Variants in CEP128 observed in about 807,000 individuals in gnomAD.
CEP128 encodes the protein centrosomal protein 128kDa.
A neutral mutation model predicts 156.7 loss-of-function variants in CEP128; 132 were observed. The observed-to-expected ratio is 0.84, with a 90% CI of 0.73 to 0.97. The LOEUF (loss-of-function observed/expected upper bound fraction) is 0.97, where lower values mean the gene tolerates loss of function less well. CEP128 is among the 50% of genes least tolerant of loss of function. The pLI, the probability that CEP128 is intolerant of heterozygous loss-of-function variation, is 0.00. For missense variants in CEP128, 1,252 were observed against 1,281.9 expected (o/e 0.98, Z 0.36); for synonymous variants, 469 against 448.9 (o/e 1.04, Z -0.57).
chr14:80,718,533 C>T (rs535580592), intron 19 of CEP128, among the ~76,000 whole-genome samples: 4 of 152,206 alleles, frequency 2.6e-5, no homozygotes, highest in South Asian at 2.1e-4. Flanking sequence ...TTTCAGAAAC[C>T]GAAAGGACAG....
intron 13 of CEP128, among the ~76,000 whole-genome samples, chr14:80,828,985 T>C (rs1819638161): frequency 6.6e-6 from 1 of 152,170 alleles, no homozygotes; most frequent in African/African-American, 2.4e-5. Context: ...TCAAGAAAAT[T>C]CTCAATTGTT....
chr14:80,869,522 C>G (rs1041670017), intron 8 of CEP128, among the ~76,000 whole-genome samples: 5 of 151,920 alleles, frequency 3.3e-5, no homozygotes, highest in African/African-American at 1.2e-4. Context: ...AATAACCTAA[C>G]TATACCTCAA....
At chr14:80,555,929 T>A (rs533791498) in intron 21 of CEP128, among the ~76,000 whole-genome samples, 78 of 152,286 alleles carry the variant, frequency 5.1e-4, no homozygotes, top group Non-Finnish European at 7.8e-4. Context: ...ATCATTTAAT[T>A]CATTTAAATG....
At chr14:80,721,928 A>G (rs1897832049) in intron 19 of CEP128, among the ~76,000 whole-genome samples, 1 of 152,202 alleles carries the variant, frequency 6.6e-6, no homozygotes, top group Non-Finnish European at 1.5e-5. Flanking sequence ...AATTAAATTA[A>G]ATGATTATGG....
chr14:80,499,543 G>C (rs1394218833), intron 24 of CEP128, among the ~76,000 whole-genome samples: 1 of 151,778 alleles, frequency 6.6e-6, no homozygotes, highest in Non-Finnish European at 1.5e-5. Flanking sequence ...CTTCCTTTTG[G>C]GCTTATTTAT....
chr14:80,526,848 A>T (rs1446526353), intron 23 of CEP128, 21 bp downstream of exon 23: 1 of 1,386,530 alleles, frequency 7.2e-7, no homozygotes, highest in African/African-American at 1.4e-5. Flanking sequence ...AAAGACTAAA[A>T]AAGTATATAA....
chr14:80,857,755 AC>A (rs1460455587), intron 9 of CEP128, among the ~76,000 whole-genome samples: 15 of 147,602 alleles, frequency 1.0e-4, no homozygotes, highest in Admixed American at 4.8e-4. Flanking sequence ...AACAACAACA[AC>A]AACAACAACA....
chr14:80,752,705 G>C (rs901310314), intron 18 of CEP128, among the ~76,000 whole-genome samples: 2 of 152,166 alleles, frequency 1.3e-5, no homozygotes, highest in African/African-American at 4.8e-5. Flanking sequence ...ACACAACCAA[G>C]GGAGACAAAT....
chr14:80,796,662 A>G (rs944466646), intron 13 of CEP128, among the ~76,000 whole-genome samples: 1 of 152,112 alleles, frequency 6.6e-6, no homozygotes, highest in Non-Finnish European at 1.5e-5. Context: ...ATAACTCTAT[A>G]AAGTTCCAGT....
intron 19 of CEP128, among the ~76,000 whole-genome samples, chr14:80,727,382 G>A (rs752237643): frequency 6.6e-6 from 1 of 152,150 alleles, no homozygotes; most frequent in East Asian, 1.9e-4. Flanking sequence ...CCAGAAGTCA[G>A]AGGGAGTTAC....
rs144550032 is a variant in CEP128 at position 80,607,649 on chromosome 14, C to T, written c.2807-27226G>A. Among the ~76,000 whole-genome samples, 901 of 152,142 alleles carry T rather than the reference C, an allele frequency of 5.9e-3. 13 individuals are homozygous for T. Among genetic ancestry groups the T allele is most frequent in the South Asian group, 0.034 (163 of 4,806 alleles). ...AGTTCCAAAAAGCTTTCAGGAACTT[C>T]AGAGTAAGAACACTTAGGTCTAGTA... On this transcript the variant is annotated intron_variant, in intron 19 of 24. Coordinates refer to ENST00000555265, the MANE Select transcript of CEP128 (RefSeq NM_152446.5).
chr14:80,768,264 T>A (rs889601456), intron 16 of CEP128, among the ~76,000 whole-genome samples: 1 of 152,182 alleles, frequency 6.6e-6, no homozygotes, highest in Non-Finnish European at 1.5e-5. Flanking sequence ...CTATTGTAAC[T>A]ATCAAGACAA....
chr14:80,944,822 CAAAAA>C (rs55662141), upstream of CEP128, among the ~76,000 whole-genome samples: 83 of 34,640 alleles, frequency 2.4e-3, no homozygotes, highest in African/African-American at 4.1e-3. Flanking sequence ...GAGTCTGTCT[CAAAAA>C]AAAAAAAAAA....
chr14:80,840,533 G>C, intron 10 of CEP128, 149 bp downstream of exon 10: 1 of 514,896 alleles, frequency 1.9e-6, no homozygotes, highest in South Asian at 3.1e-5. Flanking sequence ...CTAGCAAGTA[G>C]AAGAGCCGTT....
At chr14:80,882,950 A>G (rs1159832139) in intron 8 of CEP128, among the ~76,000 whole-genome samples, 1 of 152,162 alleles carries the variant, frequency 6.6e-6, no homozygotes, top group Non-Finnish European at 1.5e-5. Flanking sequence ...AATGGGTATA[A>G]AAAAATACAG....
At chr14:80,886,522 C>CTT (rs577434796) in intron 8 of CEP128, among the ~76,000 whole-genome samples, 101 of 152,236 alleles carry the variant, frequency 6.6e-4, no homozygotes, top group African/African-American at 2.4e-3. Flanking sequence ...TCATATCCAG[C>CTT]CAAACTAAGC....
chr14:80,540,809 C>A (rs1391864964), intron 21 of CEP128, among the ~76,000 whole-genome samples: 2 of 152,082 alleles, frequency 1.3e-5, no homozygotes, highest in African/African-American at 4.8e-5. Context: ...AGACCCACCT[C>A]AGGGTGTCCT....
intron 9 of CEP128, among the ~76,000 whole-genome samples, chr14:80,847,782 T>G (rs1046311799): frequency 1.3e-5 from 2 of 152,206 alleles, no homozygotes; most frequent in African/African-American, 4.8e-5. Context: ...CAAAGATAGT[T>G]AACATCTCTA....
chr14:80,599,086 T>C (rs535595666), intron 19 of CEP128, among the ~76,000 whole-genome samples: 2 of 152,298 alleles, frequency 1.3e-5, no homozygotes, highest in Admixed American at 6.5e-5. Context: ...TCTTACTTCA[T>C]GTGAATCTAA....
Sources: allele counts gnomAD v4.1 joint callset (sites outside exome capture counted in the v4.1 genomes callset), GRCh38; gene constraint gnomAD v4.1.1; transcripts MANE v1.5; gene names NCBI Gene and HGNC (gene_info 2026-07-23, HGNC 2026-07-21).